The following WWC2 variants were observed in gnomAD, a reference collection of about 807,000 sequenced individuals.
WWC2 encodes the protein protein WWC2.
Under a neutral mutation model 138.5 loss-of-function variants are expected in WWC2, and 101 were observed. The observed-to-expected ratio is 0.73, with a 90% CI of 0.62 to 0.86. The LOEUF (loss-of-function observed/expected upper bound fraction) is 0.86, where lower values mean the gene tolerates loss of function less well. WWC2 is among the 40% of genes least tolerant of loss of function. The pLI is 0.00. For synonymous variants in WWC2, 558 were observed against 538.4 expected (o/e 1.04, Z -0.50); for missense variants, 1,420 against 1,419.4 (o/e 1.00, Z -0.01).
At chr4:183,241,240 G>A (rs553446951) in intron 5 of WWC2, among the ~76,000 whole-genome samples, 3 of 152,352 alleles carry the variant, frequency 2.0e-5, no homozygotes, top group Admixed American at 6.5e-5. Flanking sequence ...GGTCTCAGGC[G>A]CCACCTCTGT....
rs567267735 is a variant in WWC2 at position 183,230,488 on chromosome 4, C to T, written c.523-9695C>T. Among the ~76,000 whole-genome samples the T allele has an allele frequency of 1.1e-4, 17 of 152,282 alleles. No homozygotes were observed. The East Asian group carries it at 3.3e-3, about 29-fold the overall frequency. On this transcript the variant is annotated intron_variant, in intron 4 of 22. Transcript: ENST00000403733. ...GGTCAGGAGTTCGAGACCGGCCTGA[C>T]CAATATGGTGAAACCCCATCTCTAC...
At chr4:183,117,421 A>G (rs192533677) in intron 1 of WWC2, among the ~76,000 whole-genome samples, 1,609 of 151,678 alleles carry the variant, frequency 0.011, 29 homozygotes, top group African/African-American at 0.037. Flanking sequence ...GGGTTTCACC[A>G]TATTGGTCAG....
intron 20 of WWC2, among the ~76,000 whole-genome samples, chr4:183,288,114 AG>A (rs1286485506): frequency 2.0e-5 from 3 of 152,174 alleles, no homozygotes; most frequent in Non-Finnish European, 4.4e-5. Flanking sequence ...ATTTGTAGAG[AG>A]GAGAGGGTAC....
At chr4:183,164,659 C>T (rs1734084459) in intron 1 of WWC2, among the ~76,000 whole-genome samples, 1 of 151,816 alleles carries the variant, frequency 6.6e-6, no homozygotes, top group Admixed American at 6.6e-5. Context: ...GGGTATGGGT[C>T]CTGGAATGGA....
At chr4:183,314,127 T>C (rs1739357459) in intron 22 of WWC2, among the ~76,000 whole-genome samples, 1 of 151,984 alleles carries the variant, frequency 6.6e-6, no homozygotes, top group African/African-American at 2.4e-5. Flanking sequence ...CAGTGTGCCT[T>C]AGTGGGCTCA....
At chr4:183,198,076 A>C (rs1580049296) in intron 2 of WWC2, among the ~76,000 whole-genome samples, 1 of 152,134 alleles carries the variant, frequency 6.6e-6, no homozygotes, top group South Asian at 2.1e-4. Flanking sequence ...GGCAGTTTGC[A>C]CCTGTGGTCG....
At chr4:183,121,033 A>G (rs1022262137) in intron 1 of WWC2, among the ~76,000 whole-genome samples, 1 of 152,216 alleles carries the variant, frequency 6.6e-6, no homozygotes, top group African/African-American at 2.4e-5. Context: ...CCTGGACAAC[A>G]TGGCGAGACC....
chr4:183,282,755 A>G lies in WWC2; in HGVS notation c.2732A>G (p.Glu911Gly). Residue 911 changes from glutamate (E) to glycine (G), a missense_variant, in exon 18 of 23, where the codon GAG becomes GGG. Glu to Gly is a moderately conservative substitution (Grantham distance 98). Coordinates refer to ENST00000403733, the MANE Select transcript of WWC2 (RefSeq NM_024949.6). Reference sequence around the variant, plus strand: ...TCTGATGAAATTGTGGCTGAAAAAGAGGCTGAAGTTAAATTGCCAGAGGAC... The same window carrying G: ...TCTGATGAAATTGTGGCTGAAAAAGGGGCTGAAGTTAAATTGCCAGAGGAC... ...EASDEIVAEK[E>G]AEVKLPEDSS... 4 of 1,579,436 alleles carry G rather than the reference A, an allele frequency of 2.5e-6. No homozygotes were observed. The highest frequency in any genetic ancestry group is 3.4e-6 in the Non-Finnish European group (4 of 1,161,888).
At chr4:183,165,781 T>C (rs1278234649) in intron 1 of WWC2, among the ~76,000 whole-genome samples, 1 of 152,202 alleles carries the variant, frequency 6.6e-6, no homozygotes, top group Non-Finnish European at 1.5e-5. Flanking sequence ...AAATCTTACA[T>C]TGTGGAATTT....
chr4:183,248,764 A>T lies in WWC2; in HGVS notation c.783A>T (p.Arg261Ser), dbSNP rs757969705. ...ERFHLDQNIG[R>S]SEPDLRCSPV... ...TTCATTTGGATCAGAACATTGGCAG[A>T]TCTGAGCCAGATTTGAGATGTAGTC... The change falls in exon 7 of 23, where the codon AGA (arginine) becomes AGT (serine). Residue 261 changes from arginine (R) to serine (S), a missense_variant. Transcript: ENST00000403733. 2 of 1,604,466 alleles carry T rather than the reference A, an allele frequency of 1.2e-6. No individual in the cohort carries two copies. Among genetic ancestry groups the T allele is most frequent in the Non-Finnish European group, 1.7e-6 (2 of 1,175,128 alleles).
intron 1 of WWC2, among the ~76,000 whole-genome samples, chr4:183,132,009 T>A (rs1732941340): frequency 6.6e-6 from 1 of 152,192 alleles, no homozygotes; most frequent in African/African-American, 2.4e-5. Flanking sequence ...TTTGTGTGGG[T>A]CTATTTTTGT....
At chr4:183,187,904 A>G (rs772016618) in intron 1 of WWC2, among the ~76,000 whole-genome samples, 23 of 152,066 alleles carry the variant, frequency 1.5e-4, no homozygotes, top group Non-Finnish European at 3.4e-4. Context: ...TAAAAAAAAA[A>G]GAGACCAGAA....
At chr4:183,131,644 AC>A (rs1732928367) in intron 1 of WWC2, among the ~76,000 whole-genome samples, 1 of 152,066 alleles carries the variant, frequency 6.6e-6, no homozygotes, top group African/African-American at 2.4e-5. Flanking sequence ...TTGTTTTTTA[AC>A]TGTCTTTGTG....
chr4:183,204,303 C>T (rs996200410), intron 2 of WWC2, among the ~76,000 whole-genome samples: 8 of 152,102 alleles, frequency 5.3e-5, no homozygotes, highest in African/African-American at 1.7e-4. Flanking sequence ...CAGAAAGACC[C>T]GAGAATACCA....
In WWC2 at chr4:183,265,925, C is replaced by T. The variant is rs1463499046; in HGVS notation, c.2181C>T (p.Ala727=). Residue 727 remains alanine, a synonymous_variant, in exon 14 of 23, where the codon GCC becomes GCT. Transcript: ENST00000403733. ...TAGCACAGCTCCGAAACCTTCATGCCTTCTTGATACCTCATACTTCAAAAG... is the reference window on the plus strand; with the variant it reads ...TAGCACAGCTCCGAAACCTTCATGCTTTCTTGATACCTCATACTTCAAAAG... The part of the protein sequence containing the change: ...VIIAQLRNLH[A]FLIPHTSKVY... The T allele has an allele frequency of 1.2e-6, 2 of 1,612,930 alleles. No individual in the cohort carries two copies. The highest frequency in any genetic ancestry group is 1.7e-5 in the Admixed American group (1 of 59,894).
chr4:183,180,857 C>T (rs1429484698), intron 1 of WWC2, among the ~76,000 whole-genome samples: 1 of 151,988 alleles, frequency 6.6e-6, no homozygotes, highest in Non-Finnish European at 1.5e-5. Flanking sequence ...TTTGAAAAAA[C>T]TTACGTGAAC....
At chr4:183,250,178 C>T (rs143748409) in intron 8 of WWC2, among the ~76,000 whole-genome samples, 185 bp downstream of exon 8, 2 of 151,442 alleles carry the variant, frequency 1.3e-5, no homozygotes, top group Admixed American at 6.6e-5. Context: ...CCTCCACCCC[C>T]CAACCACCAA....
chr4:183,210,872 G>A (rs1197315144), intron 4 of WWC2, among the ~76,000 whole-genome samples: 1 of 152,134 alleles, frequency 6.6e-6, no homozygotes, highest in Non-Finnish European at 1.5e-5. Context: ...AAGGCAGTGC[G>A]AGACATACCG....
At chr4:183,185,674 A>G (rs995872379) in intron 1 of WWC2, among the ~76,000 whole-genome samples, 2 of 152,268 alleles carry the variant, frequency 1.3e-5, no homozygotes, top group African/African-American at 4.8e-5. Context: ...GTGAAGGGCT[A>G]TGCGGCAGAG....
Sources: allele counts gnomAD v4.1 joint callset (sites outside exome capture counted in the v4.1 genomes callset), GRCh38; gene constraint gnomAD v4.1.1; transcripts MANE v1.5; gene names NCBI Gene and HGNC (gene_info 2026-07-23, HGNC 2026-07-21).